NCAM2: variants seen among roughly 807,000 people sequenced by gnomAD.
The protein encoded by NCAM2 is N-CAM-2.
A neutral mutation model predicts 98.1 loss-of-function variants in NCAM2; 30 were observed. The ratio of observed to expected loss-of-function variants is 0.31; its 90% CI spans 0.23 to 0.41. The LOEUF (loss-of-function observed/expected upper bound fraction) is 0.41. NCAM2 is among the 10% of genes least tolerant of loss of function. NCAM2 has a pLI of 1.00. For missense variants in NCAM2, 867 were observed against 1,005.8 expected (o/e 0.86, Z 1.87); for synonymous variants, 368 against 342.4 (o/e 1.07, Z -0.83).
chr21:21,280,316 A>C (rs978991090), intron 1 of NCAM2, among the ~76,000 whole-genome samples: 2 of 152,166 alleles, frequency 1.3e-5, no homozygotes, highest in Middle Eastern at 3.2e-3. Flanking sequence ...TCTGAGTGTG[A>C]ATTTGTTCAT....
intron 11 of NCAM2, among the ~76,000 whole-genome samples, chr21:21,431,316 T>TG (rs140115481): frequency 0.33 from 42,744 of 129,914 alleles, 6,308 homozygotes; most frequent in East Asian, 0.53. Flanking sequence ...AATCCCTCAC[T>TG]GGGATTTTTT....
rs1985301273 is a variant in NCAM2 at position 21,477,365 on chromosome 21, G to A, written c.1971G>A (p.Gln657=). 2 of 1,612,158 alleles carry A rather than the reference G, an allele frequency of 1.2e-6. No individual in the cohort carries two copies. Among genetic ancestry groups the A allele is most frequent in the African/African-American group, 1.3e-5 (1 of 74,894 alleles). Residue 657 remains glutamine, a synonymous_variant, in exon 15 of 18, where the codon CAG becomes CAA. Transcript: ENST00000400546. The part of the protein sequence containing the change: ...NKDHIILEHL[Q]WTMGYEVQIT... ...ACCACATCATTTTGGAGCATCTCCA[G>A]TGGACCATGGGGTATGAAGTTCAGA...
intron 1 of NCAM2, chr21:21,239,487 G>C (rs544179780): frequency 6.6e-6 from 1 of 152,090 alleles, no homozygotes. Context: ...TCTGGATAAT[G>C]GTTCAATGTT....
chr21:21,368,708 T>A (rs1186066616), intron 8 of NCAM2, among the ~76,000 whole-genome samples: 1 of 151,802 alleles, frequency 6.6e-6, no homozygotes, highest in Non-Finnish European at 1.5e-5. Context: ...ACCATCATGA[T>A]CTAATCAACT....
chr21:21,285,243 G>A (rs1371009296), intron 3 of NCAM2, among the ~76,000 whole-genome samples: 1 of 151,756 alleles, frequency 6.6e-6, no homozygotes, highest in Non-Finnish European at 1.5e-5. Context: ...ATATATATTA[G>A]GAATGCAAGC....
rs1001765193 is a variant in NCAM2 at position 21,505,889 on chromosome 21, G to A, written c.2078-2962G>A. Among the ~76,000 whole-genome samples, 3 of 151,674 alleles carry A rather than the reference G, an allele frequency of 2.0e-5. No homozygotes were observed. The East Asian group carries it at 5.8e-4, about 29-fold the overall frequency. The stretch of plus-strand genomic sequence containing the variant: ...TCAACAAACTTGTGACCTATTTTTG[G>A]TTGTTATTTTTATTATTACTGTCTC... On this transcript the variant is annotated intron_variant, in intron 15 of 17. Coordinates refer to ENST00000400546, the MANE Select transcript of NCAM2 (RefSeq NM_004540.5).
intron 1 of NCAM2, among the ~76,000 whole-genome samples, chr21:21,133,052 C>G (rs991453231): frequency 7.2e-5 from 11 of 152,132 alleles, no homozygotes; most frequent in African/African-American, 2.7e-4. Context: ...TTTCTTTGCT[C>G]AAATTATATT....
rs1316070435 is a variant in NCAM2, at chr21:21,534,616, G to A, written c.2362G>A (p.Val788Ile). The A allele has an allele frequency of 2.5e-6, 4 of 1,611,684 alleles. No individual in the cohort carries two copies. The highest frequency in any genetic ancestry group is 1.1e-5 in the South Asian group (1 of 90,868). ...RVTNHEDGSP[V>I]NEPNETTPLT... Reference sequence around the variant, plus strand: ...TACTAATCACGAAGATGGGAGCCCAGTAAATGAGCCAAATGAAACCACACC... The same window carrying A: ...TACTAATCACGAAGATGGGAGCCCAATAAATGAGCCAAATGAAACCACACC... The change falls in exon 17 of 18, where the codon GTA (valine) becomes ATA (isoleucine). Residue 788 changes from valine (V) to isoleucine (I), a missense_variant. Val to Ile is a conservative substitution (Grantham distance 29). Transcript: ENST00000400546.
Position 21,144,706 on chromosome 21 carries a change from T to A in NCAM2, c.56-135872T>A, listed in dbSNP as rs138092794. On this transcript the variant is annotated intron_variant, in intron 1 of 17. Transcript: ENST00000400546. ...CACCACTTTAAGTCAAACACCTCTG[T>A]TCCCAAATATCTGACACATCTTCCT... Among the ~76,000 whole-genome samples the A allele has an allele frequency of 6.8e-3, 1,028 of 152,272 alleles. 7 individuals carry two copies. Among genetic ancestry groups the A allele is most frequent in the Non-Finnish European group, 9.1e-3 (622 of 68,010 alleles).
intron 16 of NCAM2, among the ~76,000 whole-genome samples, chr21:21,523,016 TTTG>T (rs986272935): frequency 7.9e-5 from 12 of 152,024 alleles, no homozygotes; most frequent in South Asian, 4.1e-4. Context: ...TTGTTTATGT[TTTG>T]TTGTTGTTAT....
chr21:21,385,518 A>G, intron 9 of NCAM2: 2 of 560,118 alleles, frequency 3.6e-6, no homozygotes, highest in Non-Finnish European at 6.1e-6. Context: ...ATAATTTGAT[A>G]GAAGCCGCAT....
intron 5 of NCAM2, among the ~76,000 whole-genome samples, chr21:21,314,182 G>A (rs934146540): frequency 2.6e-5 from 4 of 152,116 alleles, no homozygotes; most frequent in East Asian, 1.9e-4. Context: ...TTTAGAAGGC[G>A]CCTTGAGCAA....
At chr21:21,297,351 A>G (rs925373682) in intron 5 of NCAM2, among the ~76,000 whole-genome samples, 7 of 151,694 alleles carry the variant, frequency 4.6e-5, no homozygotes, top group African/African-American at 1.7e-4. Flanking sequence ...ATAGTCATAA[A>G]AAAATTTTAC....
chr21:21,487,694 A>G (rs917428196), intron 15 of NCAM2, among the ~76,000 whole-genome samples: 1 of 152,064 alleles, frequency 6.6e-6, no homozygotes, highest in African/African-American at 2.4e-5. Flanking sequence ...AATCTCTTCT[A>G]GTCTGTCTTC....
chr21:21,395,376 G>A (rs1169377341), intron 9 of NCAM2, among the ~76,000 whole-genome samples: 3 of 152,060 alleles, frequency 2.0e-5, no homozygotes, highest in Non-Finnish European at 4.4e-5. Flanking sequence ...TTTAAATTAG[G>A]GAGATAGAAC....
intron 1 of NCAM2, among the ~76,000 whole-genome samples, chr21:21,156,614 AGAT>A (rs1466745393): frequency 1.3e-5 from 2 of 151,900 alleles, no homozygotes; most frequent in Non-Finnish European, 2.9e-5. Flanking sequence ...ATAGATAGAT[AGAT>A]AATTGTAGAT....
chr21:21,396,638 G>C (rs763258002), intron 9 of NCAM2, among the ~76,000 whole-genome samples: 1 of 152,174 alleles, frequency 6.6e-6, no homozygotes, highest in African/African-American at 2.4e-5. Context: ...ACTGGGCCCA[G>C]CCAGGCACTT....
intron 1 of NCAM2, among the ~76,000 whole-genome samples, chr21:21,113,074 T>C (rs981079165): frequency 2.6e-5 from 4 of 152,180 alleles, no homozygotes; most frequent in Non-Finnish European, 5.9e-5. Context: ...TTAAGACATA[T>C]ACCAGTGGTT....
chr21:21,013,183 T>C (rs536686877), intron 1 of NCAM2, among the ~76,000 whole-genome samples: 6 of 152,242 alleles, frequency 3.9e-5, no homozygotes, highest in South Asian at 2.1e-4. Context: ...AAAGCCAAAA[T>C]AGGCCAAAAG....
Sources: gnomAD v4.1 joint callset for allele counts (sites outside exome capture counted in the v4.1 genomes callset) on GRCh38, gnomAD v4.1.1 for gene constraint, MANE v1.5 for transcripts, NCBI Gene and HGNC (gene_info 2026-07-23, HGNC 2026-07-21) for gene names.